The following FAM53B variants were observed in gnomAD, a reference collection of about 807,000 sequenced individuals.
FAM53B encodes protein FAM53B.
FAM53B carries 12 observed loss-of-function variants against 32.7 expected under a neutral mutation model. The ratio of observed to expected loss-of-function variants is 0.37; its 90% CI spans 0.24 to 0.59. The LOEUF is 0.59. FAM53B is among the 20% of genes least tolerant of loss of function. FAM53B has a pLI of 0.72. For missense variants in FAM53B, 477 were observed against 577.7 expected, an observed-to-expected ratio of 0.83 and a Z score of 1.79; for synonymous variants, 234 against 228.7, an observed-to-expected ratio of 1.02 and a Z score of -0.21.
At chr10:124,644,346 C>T (rs901090609) in intron 4 of FAM53B, among the ~76,000 whole-genome samples, 4 of 152,206 alleles carry the variant, frequency 2.6e-5, no homozygotes, top group Non-Finnish European at 4.4e-5. Flanking sequence ...AGCCCCTTCA[C>T]GTCCTCTGCC....
intron 3 of FAM53B, among the ~76,000 whole-genome samples, chr10:124,690,360 C>T (rs553658613): frequency 7.2e-5 from 11 of 152,356 alleles, no homozygotes; most frequent in African/African-American, 2.6e-4. Context: ...GGACACACAT[C>T]CAGCAAATGA....
At chr10:124,724,709 C>A (rs1950091411) in intron 1 of FAM53B, among the ~76,000 whole-genome samples, 1 of 152,204 alleles carries the variant, frequency 6.6e-6, no homozygotes, top group Non-Finnish European at 1.5e-5. Context: ...AATATACCAA[C>A]AGCCCCAGCC....
At chr10:124,630,430 G>A (rs1038122084) in intron 4 of FAM53B, among the ~76,000 whole-genome samples, 5 of 152,264 alleles carry the variant, frequency 3.3e-5, no homozygotes, top group Admixed American at 2.0e-4. Flanking sequence ...AAAGAAAAGC[G>A]GGGGACAGCA....
intron 4 of FAM53B, among the ~76,000 whole-genome samples, chr10:124,625,890 G>A (rs927741131): frequency 3.9e-5 from 6 of 152,352 alleles, no homozygotes; most frequent in East Asian, 3.9e-4. Flanking sequence ...TGAGGTCCCC[G>A]GGGAGCCTGA....
chr10:124,625,378 C>T (rs903045987), intron 4 of FAM53B, among the ~76,000 whole-genome samples: 2 of 152,174 alleles, frequency 1.3e-5, no homozygotes, highest in African/African-American at 4.8e-5. Flanking sequence ...CAGGGGCACC[C>T]ATTAGACTGG....
chr10:124,629,371 G>GC (rs1394839628), intron 4 of FAM53B, among the ~76,000 whole-genome samples: 1 of 152,242 alleles, frequency 6.6e-6, no homozygotes, highest in African/African-American at 2.4e-5. Context: ...CTCATGGCGG[G>GC]ACCAGCTGCG....
At chr10:124,625,030 C>A (rs1200430538) in intron 4 of FAM53B, among the ~76,000 whole-genome samples, 1 of 152,252 alleles carries the variant, frequency 6.6e-6, no homozygotes, top group African/African-American at 2.4e-5. Context: ...CACCCGCCGC[C>A]TCCCTCGCCG....
intron 2 of FAM53B, among the ~76,000 whole-genome samples, chr10:124,703,457 A>AGTGTAGCTG: frequency 6.6e-6 from 1 of 152,154 alleles, no homozygotes; most frequent in African/African-American, 2.4e-5. Context: ...ATGAACTAAC[A>AGTGTAGCTG]CACTTCCCAA....
chr10:124,726,816 T>TG (rs1950106882), intron 1 of FAM53B, among the ~76,000 whole-genome samples: 1 of 152,232 alleles, frequency 6.6e-6, no homozygotes, highest in African/African-American at 2.4e-5. Flanking sequence ...TACTTCTACT[T>TG]GCTGTATTGA....
At chr10:124,719,372 T>C (rs903843391) in intron 1 of FAM53B, among the ~76,000 whole-genome samples, 2 of 152,112 alleles carry the variant, frequency 1.3e-5, no homozygotes, top group African/African-American at 4.8e-5. Context: ...AAAGAGGAAA[T>C]GACACAGCCA....
At chr10:124,666,671 C>T (rs79249626) in intron 4 of FAM53B, among the ~76,000 whole-genome samples, 5 of 152,348 alleles carry the variant, frequency 3.3e-5, no homozygotes, top group South Asian at 2.1e-4. Flanking sequence ...CCCGGCCACA[C>T]GCCAGGAACA....
intron 4 of FAM53B, among the ~76,000 whole-genome samples, chr10:124,655,025 C>T (rs921560048): frequency 2.0e-5 from 3 of 152,190 alleles, no homozygotes; most frequent in African/African-American, 7.2e-5. Context: ...CCCAGGGGCA[C>T]ACAGGTGATG....
At chr10:124,700,170 C>T (rs1949905837) in intron 2 of FAM53B, among the ~76,000 whole-genome samples, 1 of 152,236 alleles carries the variant, frequency 6.6e-6, no homozygotes, top group Non-Finnish European at 1.5e-5. Flanking sequence ...GGCAGGTTTC[C>T]CTGGTCCAAC....
chr10:124,680,617 T>C (rs903926691), intron 4 of FAM53B, among the ~76,000 whole-genome samples: 1 of 152,218 alleles, frequency 6.6e-6, no homozygotes, highest in African/African-American at 2.4e-5. Context: ...CTGGCCATAA[T>C]GCTGAGTGAC....
intron 4 of FAM53B, among the ~76,000 whole-genome samples, chr10:124,655,253 C>T (rs1224644900): frequency 1.3e-5 from 2 of 152,168 alleles, no homozygotes; most frequent in Non-Finnish European, 2.9e-5. Context: ...CACCCACACC[C>T]TGGGACTACC....
At chr10:124,660,554 T>A (rs890163306) in intron 4 of FAM53B, among the ~76,000 whole-genome samples, 1 of 152,124 alleles carries the variant, frequency 6.6e-6, no homozygotes, top group African/African-American at 2.4e-5. Context: ...TGGGGGGGCA[T>A]GGGAAGGGCC....
rs113195827 is a variant in FAM53B, at chr10:124,730,384, G to A, written c.-175+13629C>T. On this transcript the variant is annotated intron_variant, in intron 1 of 4. Coordinates refer to ENST00000337318, the MANE Select transcript of FAM53B (RefSeq NM_014661.4). The stretch of plus-strand genomic sequence containing the variant: ...TTACAGGCTGCAGAGGGGCATGGTG[G>A]GGGCCTGCCAATGGTCATAGGATTT... Among the ~76,000 whole-genome samples the A allele has an allele frequency of 3.9e-5, 6 of 152,334 alleles. 1 individual carries two copies. Among genetic ancestry groups the A allele is most frequent in the African/African-American group, 1.4e-4 (6 of 41,570 alleles).
chr10:124,639,867 T>TGCCAGCCTCC (rs1370888448), intron 4 of FAM53B, among the ~76,000 whole-genome samples: 6 of 151,918 alleles, frequency 3.9e-5, no homozygotes, highest in Non-Finnish European at 8.8e-5. Flanking sequence ...GGACAGGCTC[T>TGCCAGCCTCC]GCCAGCCTCC....
intron 1 of FAM53B, among the ~76,000 whole-genome samples, chr10:124,719,612 C>T (rs1950057104): frequency 6.6e-6 from 1 of 152,326 alleles, no homozygotes; most frequent in South Asian, 2.1e-4. Context: ...CTGCCAAGTA[C>T]ACCAGCTGCG....
Sources: gnomAD v4.1 joint callset for allele counts (sites outside exome capture counted in the v4.1 genomes callset) on GRCh38, gnomAD v4.1.1 for gene constraint, MANE v1.5 for transcripts, NCBI Gene and HGNC (gene_info 2026-07-23, HGNC 2026-07-21) for gene names.